The following BMPR2 variants were observed in gnomAD, a reference collection of about 807,000 sequenced individuals.
The protein encoded by BMPR2 is bone morphogenetic protein receptor type-2.
Under a neutral mutation model 100.8 loss-of-function variants are expected in BMPR2, and 29 were observed. The observed-to-expected ratio is 0.29, with a 90% confidence interval of 0.21 to 0.39. The LOEUF is 0.39. Ranked by LOEUF, BMPR2 falls within the 10% of genes least tolerant of loss-of-function variation. The probability of loss-of-function intolerance (pLI) is 1.00; values close to 1 mark genes in which losing one functional copy is unlikely to be tolerated. For synonymous variants in BMPR2, 382 were observed against 442.3 expected (o/e 0.86, Z 1.71); for missense variants, 1,011 against 1,274.5 (o/e 0.79, Z 3.15).
chr2:202,559,937 C>A lies in BMPR2; in HGVS notation c.3108C>A (p.Asn1036Lys). The A allele has an allele frequency of 6.2e-7, 1 of 1,613,936 alleles. No homozygotes were observed. ...TGGTGTCTAAAGATATAGGAATGAACTGTCTGTGAAATGTTTTCAAGCCTA... is the reference window on the plus strand; with the variant it reads ...TGGTGTCTAAAGATATAGGAATGAAATGTCTGTGAAATGTTTTCAAGCCTA... ...TTMVSKDIGM[N>K]CL is the part of the protein sequence containing the mutation. Residue 1036 changes from asparagine (N) to lysine (K), a missense_variant, in exon 13 of 13, where the codon AAC becomes AAA. Asn to Lys is a moderately conservative substitution (Grantham distance 94). Around this residue, in one of 6 missense-constraint regions of BMPR2, gnomAD observed 58 missense variants for 72.3 expected, o/e 0.80. Coordinates refer to ENST00000374580, the MANE Select transcript of BMPR2 (RefSeq NM_001204.7).
chr2:202,556,196 A>G lies in BMPR2; in HGVS notation c.2531A>G (p.Gln844Arg), dbSNP rs763039795. Residue 844 changes from glutamine (Q) to arginine (R), a missense_variant, in exon 12 of 13, where the codon CAA becomes CGA. By Grantham distance (43) the Gln-to-Arg change is conservative. This residue lies in a region of BMPR2 where 508 missense variants were observed against 552.0 expected (regional missense o/e 0.92). Transcript: ENST00000374580. ...ACCAACATAGTGACACATAGGGCCC[A>G]AGAAATGTTGCAGAATCAGTTTATT... ...QTTNIVTHRA[Q>R]EMLQNQFIGE... 32 of 1,611,502 alleles carry G rather than the reference A, an allele frequency of 2.0e-5. No individual in the cohort carries two copies. The South Asian group carries it at 3.1e-4, about 15-fold the overall frequency.
intron 6 of BMPR2, among the ~76,000 whole-genome samples, chr2:202,519,739 T>C (rs1476244936): frequency 2.0e-5 from 3 of 152,246 alleles, no homozygotes; most frequent in Non-Finnish European, 4.4e-5. Context: ...TTTTGTTTTC[T>C]ACTTATTAAC....
chr2:202,414,360 G>A (rs910522892), intron 1 of BMPR2, among the ~76,000 whole-genome samples: 60 of 152,114 alleles, frequency 3.9e-4, no homozygotes, highest in African/African-American at 1.3e-3. Flanking sequence ...AGGCCTCCCC[G>A]TTTCCTGAGA....
chr2:202,449,087 G>A (rs1691920275), intron 1 of BMPR2, among the ~76,000 whole-genome samples: 2 of 151,910 alleles, frequency 1.3e-5, no homozygotes, highest in African/African-American at 2.4e-5. Context: ...GGAGGCCAAG[G>A]CAGGCGAGGT....
chr2:202,524,647 G>A (rs1304694261), intron 7 of BMPR2, among the ~76,000 whole-genome samples: 1 of 151,904 alleles, frequency 6.6e-6, no homozygotes, highest in Non-Finnish European at 1.5e-5. Context: ...GGAGGGTAAG[G>A]TGAGAAGATT....
chr2:202,556,297 G>C lies in BMPR2; in HGVS notation c.2632G>C (p.Gly878Arg). 6.2e-7 allele frequency: 1 copy of C among 1,614,204 alleles called. No homozygotes were observed. The highest frequency in any genetic ancestry group is 8.5e-7 in the Non-Finnish European group (1 of 1,180,044). ...TTTACTGAGACGAGAGCAACAAGCTGGCCATGATGAAGGTGTTCTGGATCG... is the reference window on the plus strand; with the variant it reads ...TTTACTGAGACGAGAGCAACAAGCTCGCCATGATGAAGGTGTTCTGGATCG... ...EPLLRREQQA[G>R]HDEGVLDRLV... The change falls in exon 12 of 13, where the codon GGC (glycine) becomes CGC (arginine). Residue 878 changes from glycine (G) to arginine (R), a missense_variant. Physicochemically the swap from Gly to Arg is moderately radical, Grantham distance 125. This residue lies in a region of BMPR2 where 508 missense variants were observed against 552.0 expected (regional missense o/e 0.92). Transcript: ENST00000374580.
intron 7 of BMPR2, among the ~76,000 whole-genome samples, chr2:202,529,532 T>TG (rs1440694885): frequency 6.6e-6 from 1 of 152,206 alleles, no homozygotes; most frequent in Non-Finnish European, 1.5e-5. Context: ...ATTTATGTTG[T>TG]GGCTTTATCC....
chr2:202,443,464 A>G (rs912452365), intron 1 of BMPR2, among the ~76,000 whole-genome samples: 1 of 150,364 alleles, frequency 6.7e-6, no homozygotes, highest in Non-Finnish European at 1.5e-5. Flanking sequence ...ATTTCTTTAT[A>G]TATTCACCAA....
intron 9 of BMPR2, among the ~76,000 whole-genome samples, chr2:202,540,260 G>A (rs1212357447): frequency 1.3e-5 from 2 of 152,020 alleles, no homozygotes; most frequent in African/African-American, 4.8e-5. Context: ...AATAACACTT[G>A]GAAGGTATGT....
intron 1 of BMPR2, among the ~76,000 whole-genome samples, chr2:202,402,388 C>G (rs1165211816): frequency 2.0e-5 from 3 of 152,018 alleles, no homozygotes; most frequent in African/African-American, 7.2e-5. Context: ...TGTGGTGGCA[C>G]ACGCCTGTAT....
intron 1 of BMPR2, 76 bp from the exon 2 acceptor site, chr2:202,464,733 C>G: frequency 1.5e-6 from 2 of 1,347,152 alleles, no homozygotes; most frequent in African/African-American, 3.0e-5. Context: ...TGAAGTCATT[C>G]GGATAAGACA....
rs963607198 is a variant in BMPR2 at position 202,421,350 on chromosome 2, T to C, written c.77-43459T>C. ...AAAAGTTTAAAACCAGGTCAGGACC[T>C]ATTTGCAGATGTACAGTTATCATCA... On this transcript the variant is annotated intron_variant, in intron 1 of 12. Coordinates refer to ENST00000374580, the MANE Select transcript of BMPR2 (RefSeq NM_001204.7). 1.9e-4 allele frequency among the ~76,000 whole-genome samples: 28 copies of C among 150,254 alleles called. 2 individuals are homozygous for C. Among genetic ancestry groups the C allele is most frequent in the Admixed American group, 7.3e-4 (11 of 15,060 alleles).
rs946858895 is a variant in BMPR2, at chr2:202,503,170, A to G, written c.419-10549A>G. ...AGAGCGGTCATTGGCCAAATTCCCA[A>G]CAGCATTTGGGGTGTCCTGTTTAGA... is the stretch of plus-strand genomic sequence containing the variant. On this transcript the variant is annotated intron_variant, in intron 3 of 12. Coordinates refer to ENST00000374580, the MANE Select transcript of BMPR2 (RefSeq NM_001204.7). The surrounding 1 kb of genome is among the most constrained non-coding windows in gnomAD (Gnocchi z 4.0). 6.6e-5 allele frequency among the ~76,000 whole-genome samples: 10 copies of G among 152,150 alleles called. No individual in the cohort carries two copies. Among genetic ancestry groups the G allele is most frequent in the East Asian group, 3.9e-4 (2 of 5,184 alleles).
intron 1 of BMPR2, among the ~76,000 whole-genome samples, chr2:202,407,547 TG>T (rs1690926535): frequency 6.6e-6 from 1 of 151,774 alleles, no homozygotes; most frequent in South Asian, 2.1e-4. Flanking sequence ...CCGAGACGGG[TG>T]GATCACGAGA....
intron 3 of BMPR2, among the ~76,000 whole-genome samples, 161 bp from the exon 4 acceptor site, chr2:202,513,558 T>G (rs1165751076): frequency 1.3e-5 from 2 of 152,208 alleles, no homozygotes; most frequent in Non-Finnish European, 2.9e-5. Context: ...TAATTTGTAA[T>G]TATCACATTT....
In BMPR2 at chr2:202,559,797, G is replaced by T; in HGVS notation, c.2968G>T (p.Val990Phe). ...SLKRWRPSTW[V>F]ISTESLDCEV... ...TAAGCGGTGGCGCCCCTCCACCTGG[G>T]TCATCTCCACTGAATCGCTGGACTG... Residue 990 changes from valine (V) to phenylalanine (F), a missense_variant, in exon 13 of 13, where the codon GTC becomes TTC. By Grantham distance (50) the Val-to-Phe change is conservative. This residue lies in a region of BMPR2 where 58 missense variants were observed against 72.3 expected (regional missense o/e 0.80). Transcript: ENST00000374580. The T allele has an allele frequency of 1.2e-6, 2 of 1,613,994 alleles. No homozygotes were observed. The highest frequency in any genetic ancestry group is 1.7e-6 in the Non-Finnish European group (2 of 1,180,010).
intron 2 of BMPR2, among the ~76,000 whole-genome samples, chr2:202,465,585 G>C (rs1037732289): frequency 1.3e-5 from 2 of 152,166 alleles, no homozygotes; most frequent in African/African-American, 4.8e-5. Flanking sequence ...CTGGCCGGGC[G>C]TGGTGGCTCA....
chr2:202,452,151 C>A (rs1019517395), intron 1 of BMPR2, among the ~76,000 whole-genome samples: 1 of 152,056 alleles, frequency 6.6e-6, no homozygotes, highest in Non-Finnish European at 1.5e-5. Context: ...TTCCTTATGC[C>A]CCTTTGTATT....
At chr2:202,418,342 C>G (rs897176908) in intron 1 of BMPR2, among the ~76,000 whole-genome samples, 2 of 152,170 alleles carry the variant, frequency 1.3e-5, no homozygotes, top group Admixed American at 6.6e-5. Flanking sequence ...ATGACATTAT[C>G]TGTTTTGCCT....
Sources: allele counts gnomAD v4.1 joint callset (sites outside exome capture counted in the v4.1 genomes callset), GRCh38; gene constraint gnomAD v4.1.1; regional missense constraint gnomAD v4.1.1; non-coding constraint Gnocchi (gnomAD v3.1); transcripts MANE v1.5; gene names NCBI Gene and HGNC (gene_info 2026-07-23, HGNC 2026-07-21).